The following PCDHGB6 variants were observed in gnomAD, a reference collection of about 807,000 sequenced individuals.
The protein encoded by PCDHGB6 is protocadherin gamma-B6.
Under a neutral mutation model 59.1 loss-of-function variants are expected in PCDHGB6, and 51 were observed. That is an observed-to-expected ratio of 0.86 (90% confidence interval 0.69 to 1.09). The LOEUF (loss-of-function observed/expected upper bound fraction) is 1.09, where lower values mean the gene tolerates loss of function less well. Ranked by LOEUF, PCDHGB6 falls within the 50% of genes least tolerant of loss-of-function variation. The pLI is 0.00. For missense variants in PCDHGB6, 1,148 were observed against 1,205.1 expected (o/e 0.95, Z 0.70); for synonymous variants, 466 against 495.1 (o/e 0.94, Z 0.78).
chr5:141,491,312 C>T lies in PCDHGB6; in HGVS notation c.2419-3495C>T, dbSNP rs749198887. The stretch of plus-strand genomic sequence containing the variant: ...CACCCTCCTGAGCGTTCAGACCTTA[C>T]CCTTTACCTCATTGTGGCTCTAGCG... On this transcript the variant is annotated intron_variant, in intron 1 of 3. Transcript: ENST00000520790. The surrounding 1 kb of genome is among the most constrained non-coding windows in gnomAD (Gnocchi z 6.9). 3 of 1,614,170 alleles carry T rather than the reference C, an allele frequency of 1.9e-6. No individual in the cohort carries two copies. Among genetic ancestry groups the T allele is most frequent in the East Asian group, 4.5e-5 (2 of 44,878 alleles).
chr5:141,480,074 A>G (rs976924380), intron 1 of PCDHGB6, among the ~76,000 whole-genome samples: 5 of 152,196 alleles, frequency 3.3e-5, no homozygotes, highest in Non-Finnish European at 7.3e-5. Flanking sequence ...TATAAGATTC[A>G]TGCATGATAT....
intron 1 of PCDHGB6, chr5:141,422,335 C>T (rs1196951059): frequency 6.5e-7 from 1 of 1,549,804 alleles, no homozygotes; most frequent in Non-Finnish European, 8.7e-7. Flanking sequence ...GATTGCTCTT[C>T]TAAATGTGCA....
intron 1 of PCDHGB6, among the ~76,000 whole-genome samples, chr5:141,469,723 C>G (rs2099209474): frequency 6.6e-6 from 1 of 152,210 alleles, no homozygotes; most frequent in Non-Finnish European, 1.5e-5. Context: ...AGGAATTTAT[C>G]ATAAATACAC....
chr5:141,438,638 A>G (rs1192725978), intron 1 of PCDHGB6, among the ~76,000 whole-genome samples: 1 of 22,806 alleles, frequency 4.4e-5, no homozygotes, highest in East Asian at 1.6e-3. Flanking sequence ...ATATATATAC[A>G]CACACACACA....
chr5:141,445,311 G>A (rs2098463310), intron 1 of PCDHGB6, among the ~76,000 whole-genome samples: 1 of 152,150 alleles, frequency 6.6e-6, no homozygotes, highest in East Asian at 1.9e-4. Flanking sequence ...CAGTTTGTAG[G>A]TTGAGAGAAC....
intron 1 of PCDHGB6, chr5:141,427,469 C>A: frequency 2.0e-6 from 1 of 510,092 alleles, no homozygotes; most frequent in Non-Finnish European, 3.8e-6. Flanking sequence ...TCGAATCTTC[C>A]GCCAATAATG....
chr5:141,434,401 T>C (rs1036239430), intron 1 of PCDHGB6, among the ~76,000 whole-genome samples: 2 of 152,242 alleles, frequency 1.3e-5, no homozygotes. Context: ...ACAAAATCTC[T>C]GCAGCACTGT....
At chr5:141,474,090 AAACAACAACAAAAAC>A (rs1459798801) in intron 1 of PCDHGB6, among the ~76,000 whole-genome samples, 1 of 152,206 alleles carries the variant, frequency 6.6e-6, no homozygotes, top group African/African-American at 2.4e-5. Flanking sequence ...ACCAAAAAAC[AAACAACAACAAAAAC>A]AACAACAACG....
chr5:141,490,405 ATC>A lies in PCDHGB6; in HGVS notation c.2419-4397_2419-4396del, dbSNP rs765446736. 1 of 1,614,142 alleles carries A rather than the reference ATC, an allele frequency of 6.2e-7. No individual in the cohort carries two copies. The highest frequency in any genetic ancestry group is 8.5e-7 in the Non-Finnish European group (1 of 1,180,028). ...TAGAAATGGTGAAGTGAGCCTTGATATCTCTCCGGACCTGCCATTTCAGATTA... is the reference window on the plus strand; with the variant it reads ...TAGAAATGGTGAAGTGAGCCTTGATATCTCCGGACCTGCCATTTCAGATTA... On this transcript the variant is annotated intron_variant, in intron 1 of 3. Transcript: ENST00000520790. The surrounding 1 kb of genome is among the most constrained non-coding windows in gnomAD (Gnocchi z 5.4).
At chr5:141,445,339 A>G (rs1450773291) in intron 1 of PCDHGB6, among the ~76,000 whole-genome samples, 1 of 152,152 alleles carries the variant, frequency 6.6e-6, no homozygotes, top group Non-Finnish European at 1.5e-5. Context: ...GAAACAGTAA[A>G]CATTGGTGTC....
At chr5:141,446,831 T>C (rs1237079019) in intron 1 of PCDHGB6, among the ~76,000 whole-genome samples, 2 of 152,186 alleles carry the variant, frequency 1.3e-5, no homozygotes, top group East Asian at 3.9e-4. Context: ...TAGATCCTTA[T>C]AAGGCTGAGC....
At chr5:141,441,308 C>T (rs984341964) in intron 1 of PCDHGB6, 2 of 152,164 alleles carry the variant, frequency 1.3e-5, no homozygotes, top group African/African-American at 2.4e-5. Flanking sequence ...TAAGAAAATG[C>T]ACCTTGAGAA....
chr5:141,482,763 T>TGC (rs2099571981), intron 1 of PCDHGB6, among the ~76,000 whole-genome samples: 1 of 127,550 alleles, frequency 7.8e-6, no homozygotes, highest in African/African-American at 3.6e-5. Flanking sequence ...GGTATTTCAT[T>TGC]ATCACTGAAC....
chr5:141,487,377 C>G lies in PCDHGB6; in HGVS notation c.2419-7430C>G, dbSNP rs758216933. On this transcript the variant is annotated intron_variant, in intron 1 of 3. Coordinates refer to ENST00000520790, the MANE Select transcript of PCDHGB6 (RefSeq NM_018926.3). This position sits in a 1 kb window ranked among gnomAD's most constrained non-coding sequence, Gnocchi z 5.0. ...CCTGCTGGCACCTGTGCCTGTCTCA[C>G]CAGATCTCGAAGGAGGGAGGGGCTT... 6.2e-7 allele frequency: 1 copy of G among 1,614,190 alleles called. No individual in the cohort carries two copies. The highest frequency in any genetic ancestry group is 1.1e-5 in the South Asian group (1 of 91,086).
In PCDHGB6 at chr5:141,489,739, G is replaced by A; in HGVS notation, c.2419-5068G>A. On this transcript the variant is annotated intron_variant, in intron 1 of 3. Transcript: ENST00000520790. The surrounding 1 kb of genome is among the most constrained non-coding windows in gnomAD (Gnocchi z 4.5). Reference sequence around the variant, plus strand: ...GGATCCGGATGTGGGCACCAATACTGTGAGCTTTTACACTCTAAGCCCCAA... The same window carrying A: ...GGATCCGGATGTGGGCACCAATACTATGAGCTTTTACACTCTAAGCCCCAA... 3 of 1,614,170 alleles carry A rather than the reference G, an allele frequency of 1.9e-6. No homozygotes were observed. The highest frequency in any genetic ancestry group is 2.2e-5 in the South Asian group (2 of 91,076).
chr5:141,476,922 C>T lies in PCDHGB6; in HGVS notation c.2419-17885C>T. 4 of 1,614,120 alleles carry T rather than the reference C, an allele frequency of 2.5e-6. No individual in the cohort carries two copies. Among genetic ancestry groups the T allele is most frequent in the Non-Finnish European group, 2.5e-6 (3 of 1,180,050 alleles). On this transcript the variant is annotated intron_variant, in intron 1 of 3. Transcript: ENST00000520790. The surrounding 1 kb of genome is among the most constrained non-coding windows in gnomAD (Gnocchi z 7.6). ...ACGCGCGTGGTACAAGTCCTTGCAA[C>T]GGATCTGGATGAAGGCCCCAACGGT...
intron 1 of PCDHGB6, chr5:141,492,036 T>A: frequency 1.9e-6 from 1 of 536,866 alleles, no homozygotes; most frequent in Non-Finnish European, 3.2e-6. Flanking sequence ...GAGGAGGCAG[T>A]CACAGATCCA....
intron 1 of PCDHGB6, among the ~76,000 whole-genome samples, chr5:141,444,312 C>G (rs2098431691): frequency 6.6e-6 from 1 of 151,856 alleles, no homozygotes; most frequent in Non-Finnish European, 1.5e-5. Flanking sequence ...GCTAGGATTA[C>G]AGGCATGTGC....
chr5:141,418,578 CAGTGTT>C, intron 1 of PCDHGB6: 1 of 1,614,040 alleles, frequency 6.2e-7, no homozygotes, highest in African/African-American at 1.3e-5. Flanking sequence ...GACAACCCCC[CAGTGTT>C]CAGCCAGGAC....
Sources: allele counts gnomAD v4.1 joint callset (sites outside exome capture counted in the v4.1 genomes callset), GRCh38; gene constraint gnomAD v4.1.1; non-coding constraint Gnocchi (gnomAD v3.1); transcripts MANE v1.5; gene names NCBI Gene and HGNC (gene_info 2026-07-23, HGNC 2026-07-21).